USP13: variants seen among roughly 807,000 people sequenced by gnomAD.
USP13 encodes the protein ubiquitin carboxyl-terminal hydrolase 13.
Under a neutral mutation model 107.8 loss-of-function variants are expected in USP13, and 68 were observed. The ratio of observed to expected loss-of-function variants is 0.63; its 90% CI spans 0.52 to 0.77. The LOEUF is 0.77. Among genes scored for constraint, USP13 ranks in the 30% least tolerant of loss-of-function variants. USP13 has a pLI of 0.00. For missense variants in USP13, 945 were observed against 1,093.3 expected, an observed-to-expected ratio of 0.86 and a Z score of 1.91; for synonymous variants, 377 against 389.5, an observed-to-expected ratio of 0.97 and a Z score of 0.38.
intron 8 of USP13, among the ~76,000 whole-genome samples, chr3:179,722,531 T>G (rs988361355): frequency 6.6e-6 from 1 of 152,208 alleles, no homozygotes; most frequent in African/African-American, 2.4e-5. Flanking sequence ...GGTGTATATA[T>G]TTATGGGGTA....
chr3:179,657,229 A>G (rs903790222), intron 1 of USP13, among the ~76,000 whole-genome samples: 4 of 152,164 alleles, frequency 2.6e-5, no homozygotes, highest in Admixed American at 2.6e-4. Flanking sequence ...TTAAAAAAGG[A>G]GGAAAGGCCG....
intron 6 of USP13, among the ~76,000 whole-genome samples, chr3:179,714,870 C>CTTTTTTTTTTTTTT (rs34976120): frequency 7.3e-6 from 1 of 137,474 alleles, no homozygotes; most frequent in Non-Finnish European, 1.5e-5. Context: ...TTTCCTTTTT[C>CTTTTTTTTTTTTTT]TTTTTTTTTT....
chr3:179,674,440 G>A (rs1366825396), intron 1 of USP13, among the ~76,000 whole-genome samples: 2 of 152,170 alleles, frequency 1.3e-5, no homozygotes, highest in Non-Finnish European at 2.9e-5. Flanking sequence ...AATAGTTGGA[G>A]AAGCACCACT....
At chr3:179,712,744 G>C (rs1341061513) in intron 6 of USP13, among the ~76,000 whole-genome samples, 1 of 151,932 alleles carries the variant, frequency 6.6e-6, no homozygotes, top group Non-Finnish European at 1.5e-5. Context: ...GTGACAAAAA[G>C]AGTTAAATCT....
At position 179,784,093 on chromosome 3, in the gene USP13, C is replaced by T. The variant is rs998345949; in HGVS notation, c.2544C>T (p.Pro848=). ...NDHKVCASER[P]PKDLGYMYFY... is the part of the protein sequence containing the mutation. ...ACAAAGTTTGTGCCTCAGAAAGGCCCCCTAAAGACCTGGGCTACATGTACT... is the reference window on the plus strand; with the variant it reads ...ACAAAGTTTGTGCCTCAGAAAGGCCTCCTAAAGACCTGGGCTACATGTACT... The change falls in exon 21 of 21, where the codon CCC becomes CCT. Residue 848 remains proline, a synonymous_variant. Transcript: ENST00000263966. The T allele has an allele frequency of 1.9e-6, 3 of 1,613,046 alleles. No homozygotes were observed. Among genetic ancestry groups the T allele is most frequent in the Non-Finnish European group, 8.5e-7 (1 of 1,179,704 alleles).
At chr3:179,756,972 C>T (rs775541109) in intron 15 of USP13, 80 bp from the exon 16 acceptor site, 1 of 1,517,710 alleles carries the variant, frequency 6.6e-7, no homozygotes, top group Non-Finnish European at 9.1e-7. Context: ...TGGAAATGCC[C>T]TGGATCAATG....
At chr3:179,715,385 G>C (rs1241046499) in intron 6 of USP13, among the ~76,000 whole-genome samples, 1 of 118,692 alleles carries the variant, frequency 8.4e-6, no homozygotes, top group Non-Finnish European at 1.9e-5. Flanking sequence ...TTTTTTTTGA[G>C]ATGGAGTCTC....
At chr3:179,723,648 C>T (rs139823349) in intron 8 of USP13, among the ~76,000 whole-genome samples, 2 of 152,202 alleles carry the variant, frequency 1.3e-5, no homozygotes, top group East Asian at 1.9e-4. Context: ...TTTTATATTA[C>T]TAATATTTTA....
chr3:179,771,829 T>C (rs1416019402), intron 19 of USP13, among the ~76,000 whole-genome samples: 2 of 152,244 alleles, frequency 1.3e-5, no homozygotes, highest in African/African-American at 4.8e-5. Flanking sequence ...TTTTTCTGAA[T>C]GTGGAAGTAA....
chr3:179,765,720 A>T lies in USP13; in HGVS notation c.2285A>T (p.Asp762Val), dbSNP rs773106653. The change falls in exon 19 of 21, where the codon GAT becomes GTT. Residue 762 changes from aspartate to valine, a missense_variant. Coordinates refer to ENST00000263966, the MANE Select transcript of USP13 (RefSeq NM_003940.3). Reference sequence around the variant, plus strand: ...AATAATAACCTGGAAAGAGCACTGGATTGGATCTTTAGCCACCCTGAGTTT... The same window carrying T: ...AATAATAACCTGGAAAGAGCACTGGTTTGGATCTTTAGCCACCCTGAGTTT... ...ATNNNLERAL[D>V]WIFSHPEFEE... 1.9e-6 allele frequency: 3 copies of T among 1,614,180 alleles called. No individual in the cohort carries two copies. Among genetic ancestry groups the T allele is most frequent in the Admixed American group, 1.7e-5 (1 of 60,024 alleles).
chr3:179,738,377 T>C (rs1249291652), intron 10 of USP13, among the ~76,000 whole-genome samples: 1 of 152,214 alleles, frequency 6.6e-6, no homozygotes, highest in East Asian at 1.9e-4. Context: ...CTTACTTGTT[T>C]TTGCTACAGA....
intron 3 of USP13, among the ~76,000 whole-genome samples, chr3:179,700,025 C>G (rs1370470735): frequency 6.6e-6 from 1 of 152,064 alleles, no homozygotes. Flanking sequence ...ATAGCTAGCT[C>G]TTTGTCACCA....
chr3:179,740,211 A>C lies in USP13; in HGVS notation c.1255-36A>C, dbSNP rs769910171. 2.5e-6 allele frequency: 4 copies of C among 1,609,312 alleles called. No homozygotes were observed. The South Asian group carries it at 4.4e-5, about 18-fold the overall frequency. The stretch of plus-strand genomic sequence containing the variant: ...CCGCTTAGGGCTGTTAATTTGCATG[A>C]AAGTATCATAAGTCCATTTCATTTT... On this transcript the variant is annotated intron_variant, in intron 10 of 20. Transcript: ENST00000263966.
chr3:179,657,712 C>T (rs771955849), intron 1 of USP13, among the ~76,000 whole-genome samples: 12 of 129,814 alleles, frequency 9.2e-5, no homozygotes, highest in South Asian at 7.4e-4. Context: ...TGCAGTAAGC[C>T]GAGATTGCGT....
At chr3:179,710,366 A>C (rs1007894417) in intron 6 of USP13, among the ~76,000 whole-genome samples, 15 of 152,178 alleles carry the variant, frequency 9.9e-5, no homozygotes, top group South Asian at 2.1e-4. Context: ...CTGTCGGATA[A>C]AGTTGCAAGG....
At chr3:179,708,019 T>G (rs1224956491) in intron 5 of USP13, among the ~76,000 whole-genome samples, 2 of 152,234 alleles carry the variant, frequency 1.3e-5, no homozygotes, top group Non-Finnish European at 2.9e-5. Flanking sequence ...TCTAATTAAT[T>G]TAGATTTGCA....
At chr3:179,765,640 G>T (rs1715147635) in intron 18 of USP13, 55 bp from the exon 19 acceptor site, 1 of 1,590,004 alleles carries the variant, frequency 6.3e-7, no homozygotes, top group Non-Finnish European at 8.6e-7. Context: ...TCAGGACATA[G>T]TGAGGCCTGA....
chr3:179,754,662 GT>G (rs1044535716), intron 14 of USP13, 69 bp from the exon 15 acceptor site: 1 of 1,551,538 alleles, frequency 6.4e-7, no homozygotes, highest in African/African-American at 1.4e-5. Context: ...TGCATGTAGA[GT>G]TATAGTGCTG....
In USP13 at chr3:179,721,729, A is replaced by C; in HGVS notation, c.1088+140A>C. 1.2e-6 allele frequency: 1 copy of C among 859,894 alleles called. No homozygotes were observed. The highest frequency in any genetic ancestry group is 1.7e-6 in the Non-Finnish European group (1 of 572,030). 53.3% of individuals were successfully genotyped at this position (859,894 alleles called of 1,614,324 possible). On this transcript the variant is annotated intron_variant, in intron 8 of 20. Coordinates refer to ENST00000263966, the MANE Select transcript of USP13 (RefSeq NM_003940.3). The surrounding 1 kb of genome is among the most constrained non-coding windows in gnomAD (Gnocchi z 4.3). ...CTTTTCTCTGGCCTGCCTTCTACAG[A>C]GACTGGGTGAGAACACTTGTCAAGT...
Sources: gnomAD v4.1 joint callset for allele counts (sites outside exome capture counted in the v4.1 genomes callset) on GRCh38, gnomAD v4.1.1 for gene constraint, Gnocchi (gnomAD v3.1) non-coding constraint, MANE v1.5 for transcripts, NCBI Gene and HGNC (gene_info 2026-07-23, HGNC 2026-07-21) for gene names.